The following JAZF1 variants were observed in gnomAD, a reference collection of about 807,000 sequenced individuals.
JAZF1 encodes JAZF zinc finger 1.
Under a neutral mutation model 26.4 loss-of-function variants are expected in JAZF1, and 8 were observed. The ratio of observed to expected loss-of-function variants is 0.30; its 90% CI spans 0.18 to 0.55. The LOEUF is 0.55. JAZF1 is among the 20% of genes least tolerant of loss of function. JAZF1 has a pLI of 0.94. For missense variants in JAZF1, 199 were observed against 322.0 expected, an observed-to-expected ratio of 0.62 and a Z score of 2.92; for synonymous variants, 126 against 122.3, an observed-to-expected ratio of 1.03 and a Z score of -0.20.
At chr7:28,152,083 T>C (rs1206296262) in intron 1 of JAZF1, among the ~76,000 whole-genome samples, 1 of 152,248 alleles carries the variant, frequency 6.6e-6, no homozygotes, top group Non-Finnish European at 1.5e-5. Flanking sequence ...GAGTTTCGAT[T>C]TGACTTAATT....
At chr7:27,849,756 C>CAGACACACACAG (rs200915594) in intron 3 of JAZF1, among the ~76,000 whole-genome samples, 1 of 147,464 alleles carries the variant, frequency 6.8e-6, no homozygotes. Context: ...CACACAGACA[C>CAGACACACACAG]ACACACACAC....
At chr7:27,854,382 T>C (rs1783205910) in intron 3 of JAZF1, among the ~76,000 whole-genome samples, 1 of 152,214 alleles carries the variant, frequency 6.6e-6, no homozygotes, top group South Asian at 2.1e-4. Flanking sequence ...AAGGTTAATA[T>C]TGTTATGTAT....
intron 1 of JAZF1, among the ~76,000 whole-genome samples, chr7:28,171,250 T>C (rs1305945904): frequency 6.6e-6 from 1 of 152,228 alleles, no homozygotes; most frequent in Non-Finnish European, 1.5e-5. Context: ...TCAGATTCCC[T>C]TAATATAAAC....
intron 1 of JAZF1, among the ~76,000 whole-genome samples, chr7:28,008,202 ATTAT>A (rs1263509429): frequency 6.6e-6 from 1 of 152,004 alleles, no homozygotes; most frequent in Non-Finnish European, 1.5e-5. Context: ...ATACATTTTA[ATTAT>A]TTATTTTTAA....
intron 3 of JAZF1, among the ~76,000 whole-genome samples, chr7:27,882,176 G>C (rs1783783132): frequency 1.3e-5 from 2 of 152,032 alleles, no homozygotes; most frequent in Admixed American, 6.6e-5. Context: ...TTGGGGTACT[G>C]AGATAGAAAA....
chr7:28,159,401 G>A (rs186780134), intron 1 of JAZF1, among the ~76,000 whole-genome samples: 27 of 151,834 alleles, frequency 1.8e-4, no homozygotes, highest in African/African-American at 6.0e-4. Context: ...AAGATCTTGA[G>A]ACATGAACAA....
intron 1 of JAZF1, among the ~76,000 whole-genome samples, chr7:28,126,281 G>A (rs935154699): frequency 1.5e-4 from 23 of 152,194 alleles, no homozygotes; most frequent in Admixed American, 7.9e-4. Flanking sequence ...TAGGGAGCTG[G>A]AGACACAGAA....
At chr7:27,994,452 AAACAAAAAACAAAAAAAAAC>A in intron 1 of JAZF1, among the ~76,000 whole-genome samples, 1 of 34,230 alleles carries the variant, frequency 2.9e-5, no homozygotes, top group African/African-American at 9.0e-5. Flanking sequence ...AAAAAAAAAA[AAACAAAAAACAAAAAAAAAC>A]ACACACACAC....
chr7:27,968,242 C>T (rs1785312994), intron 2 of JAZF1, among the ~76,000 whole-genome samples: 1 of 152,114 alleles, frequency 6.6e-6, no homozygotes, highest in African/African-American at 2.4e-5. Context: ...ATTTGCTTTG[C>T]CATAACAAGT....
At chr7:28,171,603 A>C (rs753681422) in intron 1 of JAZF1, among the ~76,000 whole-genome samples, 3 of 152,180 alleles carry the variant, frequency 2.0e-5, no homozygotes, top group Non-Finnish European at 2.9e-5. Flanking sequence ...AGAGGGGAAG[A>C]CCCATTAAAA....
chr7:28,133,286 G>A (rs1400690547), intron 1 of JAZF1, among the ~76,000 whole-genome samples: 1 of 152,168 alleles, frequency 6.6e-6, no homozygotes, highest in Non-Finnish European at 1.5e-5. Flanking sequence ...TTTTGACTGA[G>A]AATGATTAAA....
intron 2 of JAZF1, among the ~76,000 whole-genome samples, chr7:27,923,585 C>T (rs978646041): frequency 2.6e-5 from 4 of 152,226 alleles, no homozygotes; most frequent in African/African-American, 9.6e-5. Flanking sequence ...GGGCTGCCAA[C>T]GGATGGGAGC....
intron 1 of JAZF1, among the ~76,000 whole-genome samples, chr7:28,141,283 AGGTTTAAGGAAAGGATTTT>A (rs1782956039): frequency 6.6e-6 from 1 of 152,202 alleles, no homozygotes; most frequent in Non-Finnish European, 1.5e-5. Flanking sequence ...CCAGAACAGA[AGGTTTAAGGAAAGGATTTT>A]TCAAAGACTT....
At chr7:28,002,049 T>C (rs1292760577) in intron 1 of JAZF1, among the ~76,000 whole-genome samples, 1 of 152,198 alleles carries the variant, frequency 6.6e-6, no homozygotes, top group Non-Finnish European at 1.5e-5. Flanking sequence ...ACTCATGGTA[T>C]AGATAGGAAG....
intron 1 of JAZF1, among the ~76,000 whole-genome samples, chr7:28,128,322 G>C (rs1291142601): frequency 6.6e-6 from 1 of 152,164 alleles, no homozygotes; most frequent in South Asian, 2.1e-4. Context: ...AGGAGTTTGA[G>C]ACCAGCCTGG....
chr7:27,930,579 T>C (rs866445930), intron 2 of JAZF1, among the ~76,000 whole-genome samples: 9 of 152,316 alleles, frequency 5.9e-5, no homozygotes, highest in Middle Eastern at 3.4e-3. Flanking sequence ...CACAAGTATG[T>C]TCACTTTTTG....
chr7:28,176,106 AACAAGTAGAGACTC>A (rs1185740448), intron 1 of JAZF1, among the ~76,000 whole-genome samples: 2 of 152,238 alleles, frequency 1.3e-5, no homozygotes, highest in Non-Finnish European at 2.9e-5. Context: ...TGAGGAAACT[AACAAGTAGAGACTC>A]ACAACAAGAA....
In JAZF1 at chr7:27,923,735, C is replaced by T. The variant is rs557956701; in HGVS notation, c.189-28319G>A. On this transcript the variant is annotated intron_variant, in intron 2 of 4. Transcript: ENST00000283928. ...GACAGGTGATGAGGATTAGGCCAAACGTATTTGCATATCGTCAGCACAGGG... is the reference window on the plus strand; with the variant it reads ...GACAGGTGATGAGGATTAGGCCAAATGTATTTGCATATCGTCAGCACAGGG... Among the ~76,000 whole-genome samples the T allele has an allele frequency of 1.8e-4, 27 of 152,284 alleles. 1 individual carries two copies. The highest frequency in any genetic ancestry group is 1.5e-3 in the South Asian group (7 of 4,822).
intron 1 of JAZF1, among the ~76,000 whole-genome samples, chr7:28,113,599 C>T (rs1455359295): frequency 6.6e-6 from 1 of 152,202 alleles, no homozygotes; most frequent in African/African-American, 2.4e-5. Context: ...CAGTGCTAGG[C>T]CCCTGCATTC....
Sources: allele counts gnomAD v4.1 joint callset (sites outside exome capture counted in the v4.1 genomes callset), GRCh38; gene constraint gnomAD v4.1.1; transcripts MANE v1.5; gene names NCBI Gene and HGNC (gene_info 2026-07-23, HGNC 2026-07-21).